The following ANKHD1 variants were observed in gnomAD, a reference collection of about 807,000 sequenced individuals.
The protein encoded by ANKHD1 is ankyrin repeat and KH domain containing 1.
ANKHD1 carries 31 observed loss-of-function variants against 230.5 expected under a neutral mutation model. The observed-to-expected ratio is 0.13, with a 90% CI of 0.10 to 0.18. The LOEUF (loss-of-function observed/expected upper bound fraction) is 0.18, where lower values mean the gene tolerates loss of function less well. ANKHD1 is among the 10% of genes least tolerant of loss of function. The probability of loss-of-function intolerance (pLI) is 1.00; values close to 1 mark genes in which losing one functional copy is unlikely to be tolerated. For synonymous variants in ANKHD1, 1,074 were observed against 1,117.6 expected (o/e 0.96, Z 0.78); for missense variants, 2,256 against 3,071.3 (o/e 0.73, Z 6.27).
chr5:140,500,665 A>AAAG (rs1554092039), intron 15 of ANKHD1, among the ~76,000 whole-genome samples: 4 of 115,514 alleles, frequency 3.5e-5, no homozygotes, highest in Admixed American at 1.0e-4. Context: ...AAAAAAAAAA[A>AAAG]AAAAGAAAAG....
In ANKHD1 at chr5:140,524,258, T is replaced by C. The variant is rs1189459570; in HGVS notation, c.4492+18T>C. 3 of 1,546,700 alleles carry C rather than the reference T, an allele frequency of 1.9e-6. No individual in the cohort carries two copies. The highest frequency in any genetic ancestry group is 2.6e-6 in the Non-Finnish European group (3 of 1,157,448). On this transcript the variant is annotated intron_variant, in intron 25 of 33. Transcript: ENST00000360839. ...TGAAGATGGTGAGAAACAAACCATCTGAATTAACGATAAAATTCTCCTTTG... is the reference window on the plus strand; with the variant it reads ...TGAAGATGGTGAGAAACAAACCATCCGAATTAACGATAAAATTCTCCTTTG...
Position 140,486,951 on chromosome 5 carries a change from T to G in ANKHD1, c.2143-7T>G. 1 of 1,606,182 alleles carries G rather than the reference T, an allele frequency of 6.2e-7. No homozygotes were observed. Among genetic ancestry groups the G allele is most frequent in the Non-Finnish European group, 8.5e-7 (1 of 1,175,998 alleles). On this transcript the variant is annotated splice_region_variant and splice_polypyrimidine_tract_variant and intron_variant, in intron 13 of 33. Transcript: ENST00000360839. ...TGAGATGATTTTTTTCTGAGTTGAC[T>G]TTTTAGGTGCCACGTGTGCCAACGC...
At position 140,445,954 on chromosome 5, in the gene ANKHD1, C is replaced by T. The variant is rs1044041275; in HGVS notation, c.1126C>T (p.Leu376=). ...TTCTAATGAATTCAAAGAAAGTGCT[C>T]TAACACTTGCTTGCTACAAAGGTAC... ...THSNEFKESA[L]TLACYKGHLD... is the part of the protein sequence containing the mutation. The change falls in exon 6 of 34, where the codon CTA becomes TTA. Residue 376 remains leucine, a synonymous_variant. Coordinates refer to ENST00000360839, the MANE Select transcript of ANKHD1 (RefSeq NM_017747.3). The T allele has an allele frequency of 7.5e-6, 12 of 1,602,590 alleles. No individual in the cohort carries two copies. The highest frequency in any genetic ancestry group is 9.4e-6 in the Non-Finnish European group (11 of 1,173,574).
chr5:140,496,581 T>G lies in ANKHD1; in HGVS notation c.2307T>G (p.Phe769Leu), dbSNP rs966697353. The part of the protein sequence containing the change: ...QVADQDLLPS[F>L]HPYQPLECIV... ...CAGATCAGGACCTACTGCCATCTTTTCACCCATACCAGCCTTTGGAGTGCA... is the reference window on the plus strand; with the variant it reads ...CAGATCAGGACCTACTGCCATCTTTGCACCCATACCAGCCTTTGGAGTGCA... Residue 769 changes from phenylalanine to leucine, a missense_variant, in exon 15 of 34, where the codon TTT becomes TTG. Physicochemically the swap from Phe to Leu is conservative, Grantham distance 22. Coordinates refer to ENST00000360839, the MANE Select transcript of ANKHD1 (RefSeq NM_017747.3). 1.9e-6 allele frequency: 3 copies of G among 1,612,996 alleles called. No homozygotes were observed. In the African/African-American group the frequency reaches 4.0e-5, roughly 22 times the overall value.
chr5:140,513,974 CCA>C (rs1752873504), intron 24 of ANKHD1, among the ~76,000 whole-genome samples: 1 of 151,502 alleles, frequency 6.6e-6, no homozygotes, highest in Non-Finnish European at 1.5e-5. Flanking sequence ...TGTGATTGTG[CCA>C]CTGCACTCTA....
At position 140,427,149 on chromosome 5, in the gene ANKHD1, A is replaced by AC. The variant is rs1259127169; in HGVS notation, c.307-8947dup. Among the ~76,000 whole-genome samples the AC allele has an allele frequency of 1.6e-3, 210 of 131,348 alleles. 1 individual carries two copies. Among genetic ancestry groups the AC allele is most frequent in the Admixed American group, 7.2e-3 (95 of 13,216 alleles). 86.2% of individuals were successfully genotyped at this position (131,348 alleles called of 152,430 possible). Reference sequence around the variant, plus strand: ...GGGCGGCTGGCCGGGCAGGGGGCTGACCCCCCCCACCTCCCTCCCGGACGG... The same window carrying AC: ...GGGCGGCTGGCCGGGCAGGGGGCTGACCCCCCCCCACCTCCCTCCCGGACGG... On this transcript the variant is annotated intron_variant, in intron 1 of 33. Coordinates refer to ENST00000360839, the MANE Select transcript of ANKHD1 (RefSeq NM_017747.3).
intron 1 of ANKHD1, among the ~76,000 whole-genome samples, chr5:140,409,769 G>T (rs1234308819): frequency 6.6e-6 from 1 of 151,972 alleles, no homozygotes; most frequent in Non-Finnish European, 1.5e-5. Context: ...ACCCAGGATG[G>T]TCTCGGTCTC....
intron 11 of ANKHD1, 162 bp from the exon 12 acceptor site, chr5:140,484,959 G>T: frequency 8.6e-7 from 1 of 1,164,186 alleles, no homozygotes; most frequent in Non-Finnish European, 1.1e-6. Flanking sequence ...TGGTTACACA[G>T]GTGTGTGTTC....
chr5:140,401,933 TG>T lies in ANKHD1; in HGVS notation c.-32del. 6.5e-7 allele frequency: 1 copy of T among 1,530,300 alleles called. No homozygotes were observed. Among genetic ancestry groups the T allele is most frequent in the Admixed American group, 2.2e-5 (1 of 45,364 alleles). The allele number at this position is 1,530,300 out of a possible 1,614,324, so 94.8% of individuals were successfully genotyped here. On this transcript the variant is annotated 5_prime_UTR_variant, in exon 1 of 34. Transcript: ENST00000360839. ...GATCAGCGGCGGCGGTGACCGCGAG[TG>T]GGTCGGCACCGTCTCCGGCTCCGGG...
At chr5:140,479,188 G>A (rs1397224841) in intron 10 of ANKHD1, among the ~76,000 whole-genome samples, 10 of 150,670 alleles carry the variant, frequency 6.6e-5, no homozygotes, top group Non-Finnish European at 1.3e-4. Context: ...TGTATTTTAC[G>A]GGGTTTCACC....
At chr5:140,454,561 C>A (rs1775013305) in intron 7 of ANKHD1, among the ~76,000 whole-genome samples, 1 of 152,310 alleles carries the variant, frequency 6.6e-6, no homozygotes, top group Admixed American at 6.5e-5. Context: ...AAGAAACTCA[C>A]TCAAAACCGC....
intron 1 of ANKHD1, among the ~76,000 whole-genome samples, chr5:140,405,890 C>T (rs947365766): frequency 6.6e-6 from 1 of 152,034 alleles, no homozygotes; most frequent in Admixed American, 6.6e-5. Flanking sequence ...ACCTTGGTCT[C>T]CCAAAGTGTT....
In ANKHD1 at chr5:140,539,518, G is replaced by A. The variant is rs1754213048; in HGVS notation, c.*100G>A. The A allele has an allele frequency of 1.5e-6, 2 of 1,345,220 alleles. No homozygotes were observed. The highest frequency in any genetic ancestry group is 2.3e-5 in the Admixed American group (1 of 43,692). The allele number at this position is 1,345,220 out of a possible 1,614,324, so 83.3% of individuals were successfully genotyped here. A position where few individuals can be genotyped will look rare whatever the true frequency, so the allele number is the denominator to read the frequency against. On this transcript the variant is annotated 3_prime_UTR_variant, in exon 34 of 34. Coordinates refer to ENST00000360839, the MANE Select transcript of ANKHD1 (RefSeq NM_017747.3). ...ATGTGCCTAAGAAATTTTCTCTGAG[G>A]CTTTAGCAATGGAAATTTGATTGCC...
At chr5:140,433,364 C>T (rs1480532819) in intron 1 of ANKHD1, among the ~76,000 whole-genome samples, 1 of 152,232 alleles carries the variant, frequency 6.6e-6, no homozygotes, top group African/African-American at 2.4e-5. Flanking sequence ...CACACCCAGC[C>T]TCCAAGCCTA....
At chr5:140,463,259 A>C (rs1333492010) in intron 9 of ANKHD1, among the ~76,000 whole-genome samples, 3 of 152,112 alleles carry the variant, frequency 2.0e-5, no homozygotes, top group Non-Finnish European at 4.4e-5. Context: ...TTGTCAGAAG[A>C]TGGGACAGTT....
chr5:140,509,832 A>G lies in ANKHD1; in HGVS notation c.3941+20A>G, dbSNP rs773469332. On this transcript the variant is annotated intron_variant, in intron 21 of 33. Transcript: ENST00000360839. Reference sequence around the variant, plus strand: ...TCATAGGTGAGTACTTTTCTATTATATGTAGAACTTCTCATGGTCATTTTC... The same window carrying G: ...TCATAGGTGAGTACTTTTCTATTATGTGTAGAACTTCTCATGGTCATTTTC... The G allele has an allele frequency of 6.3e-7, 1 of 1,591,230 alleles. No homozygotes were observed. The highest frequency in any genetic ancestry group is 1.9e-5 in the Admixed American group (1 of 51,818).
Position 140,497,257 on chromosome 5 carries a change from A to T in ANKHD1, c.2983A>T (p.Thr995Ser), listed in dbSNP as rs769487598. The change falls in exon 15 of 34, where the codon ACT becomes TCT. Residue 995 changes from threonine (T) to serine (S), a missense_variant. By Grantham distance (58) the Thr-to-Ser change is moderately conservative. This residue lies in a region of ANKHD1 where 358 missense variants were observed against 397.7 expected (regional missense o/e 0.90). Transcript: ENST00000360839. ...VATPAQTLTD[T>S]LDDLIAAVST... ...AACTCCAGCTCAGACGCTTACCGAC[A>T]CTCTTGATGACCTGATAGCAGGTGG... 6.2e-7 allele frequency: 1 copy of T among 1,604,064 alleles called. No individual in the cohort carries two copies. The highest frequency in any genetic ancestry group is 1.7e-5 in the Admixed American group (1 of 59,962).
chr5:140,436,892 T>C lies in ANKHD1; in HGVS notation c.460+635T>C, dbSNP rs182734542. Among the ~76,000 whole-genome samples, 6 of 152,384 alleles carry C rather than the reference T, an allele frequency of 3.9e-5. No individual in the cohort carries two copies. The East Asian group carries it at 1.2e-3, about 29-fold the overall frequency. ...ATTTAGGGAGCTGCATGTTGATTACTTGTGTATTCACTTTAATCTATGTTT... is the reference window on the plus strand; with the variant it reads ...ATTTAGGGAGCTGCATGTTGATTACCTGTGTATTCACTTTAATCTATGTTT... On this transcript the variant is annotated intron_variant, in intron 2 of 33. Transcript: ENST00000360839.
chr5:140,432,817 C>G (rs916557185), intron 1 of ANKHD1, among the ~76,000 whole-genome samples: 1 of 152,060 alleles, frequency 6.6e-6, no homozygotes, highest in African/African-American at 2.4e-5. Context: ...AAATGATCCA[C>G]CTCAGCCTCA....
Sources: allele counts gnomAD v4.1 joint callset (sites outside exome capture counted in the v4.1 genomes callset), GRCh38; gene constraint gnomAD v4.1.1; regional missense constraint gnomAD v4.1.1; transcripts MANE v1.5; gene names NCBI Gene and HGNC (gene_info 2026-07-23, HGNC 2026-07-21).